Variants in RNF13 observed in about 807,000 individuals in gnomAD.
RNF13 encodes E3 ubiquitin-protein ligase RNF13.
RNF13 carries 19 observed loss-of-function variants against 37.7 expected under a neutral mutation model. The ratio of observed to expected loss-of-function variants is 0.50; its 90% confidence interval spans 0.35 to 0.74. RNF13 has a LOEUF of 0.74. Among genes scored for constraint, RNF13 ranks in the 30% least tolerant of loss-of-function variants. The probability of loss-of-function intolerance (pLI) is 0.01; values close to 1 mark genes in which losing one functional copy is unlikely to be tolerated. For missense variants in RNF13, 375 were observed against 453.0 expected (o/e 0.83, Z 1.56); for synonymous variants, 144 against 157.8 (o/e 0.91, Z 0.65).
chr3:149,939,850 T>G (rs1014164015), intron 8 of RNF13: 1 of 491,710 alleles, frequency 2.0e-6, no homozygotes, highest in Non-Finnish European at 3.9e-6. Context: ...GATAAACGAC[T>G]GCTGCTCCAG....
chr3:149,886,832 G>C (rs879316567), intron 4 of RNF13, among the ~76,000 whole-genome samples: 2 of 152,154 alleles, frequency 1.3e-5, no homozygotes, highest in African/African-American at 2.4e-5. Context: ...TATAGTGTTA[G>C]TAGTATCCAA....
chr3:149,856,846 CA>C (rs1723702798), intron 3 of RNF13, among the ~76,000 whole-genome samples: 2 of 152,190 alleles, frequency 1.3e-5, no homozygotes, highest in Non-Finnish European at 2.9e-5. Flanking sequence ...CTTCTGGGTT[CA>C]CGCCATTCTC....
At chr3:149,838,738 C>A (rs1721899165) in intron 1 of RNF13, among the ~76,000 whole-genome samples, 1 of 152,276 alleles carries the variant, frequency 6.6e-6, no homozygotes. Flanking sequence ...CTCTGACATG[C>A]CCTGGAGACA....
At chr3:149,894,503 C>T (rs995754225) in intron 4 of RNF13, among the ~76,000 whole-genome samples, 2 of 152,042 alleles carry the variant, frequency 1.3e-5, no homozygotes, top group African/African-American at 4.8e-5. Context: ...TAAAACAGAA[C>T]TAATATTAGA....
At chr3:149,936,872 A>T (rs559304500) in intron 8 of RNF13, among the ~76,000 whole-genome samples, 38 of 152,158 alleles carry the variant, frequency 2.5e-4, no homozygotes, top group African/African-American at 8.7e-4. Context: ...CGTTTGTTGC[A>T]TTCTCTTAGA....
At chr3:149,928,838 T>C (rs1718905764) in intron 8 of RNF13, among the ~76,000 whole-genome samples, 1 of 152,218 alleles carries the variant, frequency 6.6e-6, no homozygotes, top group Non-Finnish European at 1.5e-5. Context: ...TATTGAGGTC[T>C]TCTTTAATTT....
chr3:149,908,775 G>C (rs1036497926), intron 6 of RNF13, among the ~76,000 whole-genome samples: 1 of 152,142 alleles, frequency 6.6e-6, no homozygotes, highest in Admixed American at 6.5e-5. Flanking sequence ...GGTGGGGGTT[G>C]GATGTCAGAA....
chr3:149,857,288 T>TA (rs1723751429), intron 3 of RNF13, among the ~76,000 whole-genome samples: 1 of 152,200 alleles, frequency 6.6e-6, no homozygotes, highest in African/African-American at 2.4e-5. Context: ...TCCTGTATCT[T>TA]AAAAAATACT....
intron 8 of RNF13, among the ~76,000 whole-genome samples, chr3:149,931,033 GT>G (rs879596571): frequency 6.6e-6 from 1 of 151,664 alleles, no homozygotes; most frequent in Admixed American, 6.6e-5. Flanking sequence ...ATTTTCTGGT[GT>G]TTTTTTGGTT....
At chr3:149,960,277 G>T in intron 9 of RNF13, 141 bp downstream of exon 9, 1 of 611,838 alleles carries the variant, frequency 1.6e-6, no homozygotes, top group South Asian at 2.1e-5. Flanking sequence ...ATTCAAGGAT[G>T]GAGGTGTATT....
At chr3:149,872,005 T>G (rs759901553) in intron 3 of RNF13, 24 bp from the exon 4 acceptor site, 8 of 1,569,390 alleles carry the variant, frequency 5.1e-6, no homozygotes, top group African/African-American at 1.4e-5. Flanking sequence ...AACAGAGAGA[T>G]AATTTTTACC....
intron 8 of RNF13, chr3:149,939,081 AT>A: frequency 2.0e-6 from 1 of 502,054 alleles, no homozygotes; most frequent in South Asian, 1.5e-5. Context: ...AACTGCTTGC[AT>A]TTTAATGTCT....
At chr3:149,922,748 G>A (rs1267010775) in intron 8 of RNF13, among the ~76,000 whole-genome samples, 1 of 152,094 alleles carries the variant, frequency 6.6e-6, no homozygotes, top group Non-Finnish European at 1.5e-5. Flanking sequence ...GAAAAATCGG[G>A]TCAGGGACAT....
At chr3:149,862,413 C>T (rs1027987305) in intron 3 of RNF13, among the ~76,000 whole-genome samples, 3 of 151,972 alleles carry the variant, frequency 2.0e-5, no homozygotes, top group South Asian at 2.1e-4. Context: ...TCCCTTACCT[C>T]GCTCCTTATA....
intron 8 of RNF13, among the ~76,000 whole-genome samples, chr3:149,922,943 A>C (rs1224827223): frequency 6.6e-6 from 1 of 152,218 alleles, no homozygotes; most frequent in African/African-American, 2.4e-5. Flanking sequence ...TTCATATACC[A>C]GTAAAAATAT....
rs1338192389 is a variant in RNF13 at position 149,917,183 on chromosome 3, T to A, written c.607-3951T>A. Among the ~76,000 whole-genome samples the A allele has an allele frequency of 2.6e-5, 4 of 152,250 alleles. No homozygotes were observed. In the South Asian group the frequency reaches 6.2e-4, roughly 24 times the overall value. ...GCAAATTGGGCACACTTGGTTCAGC[T>A]CCACCATCTTTGTTTTGTTATTAAC... On this transcript the variant is annotated intron_variant, in intron 7 of 9. Coordinates refer to ENST00000392894, the MANE Select transcript of RNF13 (RefSeq NM_183381.3).
Position 149,960,875 on chromosome 3 carries a change from C to G in RNF13, c.917C>G (p.Thr306Arg). The G allele has an allele frequency of 6.2e-7, 1 of 1,614,188 alleles. No individual in the cohort carries two copies. Among genetic ancestry groups the G allele is most frequent in the Non-Finnish European group, 8.5e-7 (1 of 1,180,032 alleles). ...TDSSQEENEV[T>R]EHTPLLRPLA... ...AGTAGTCAAGAAGAAAATGAAGTGA[C>G]AGAACATACCCCTTTACTGAGACCT... Residue 306 changes from threonine (T) to arginine (R), a missense_variant, in exon 10 of 10, where the codon ACA (threonine) becomes AGA (arginine). Physicochemically the swap from Thr to Arg is moderately conservative, Grantham distance 71. Transcript: ENST00000392894.
intron 8 of RNF13, among the ~76,000 whole-genome samples, chr3:149,930,208 C>T (rs1230724873): frequency 6.6e-6 from 1 of 152,170 alleles, no homozygotes; most frequent in African/African-American, 2.4e-5. Context: ...GGATTACAGG[C>T]GTGAGCCACT....
At chr3:149,889,448 G>A (rs1714443656) in intron 4 of RNF13, among the ~76,000 whole-genome samples, 1 of 149,416 alleles carries the variant, frequency 6.7e-6, no homozygotes, top group African/African-American at 2.5e-5. Context: ...AGGACTACAG[G>A]CGTGTGCCAC....
Sources: gnomAD v4.1 joint callset for allele counts (sites outside exome capture counted in the v4.1 genomes callset) on GRCh38, gnomAD v4.1.1 for gene constraint, MANE v1.5 for transcripts, NCBI Gene and HGNC (gene_info 2026-07-23, HGNC 2026-07-21) for gene names.